PCDHA10: variants seen among roughly 807,000 people sequenced by gnomAD.
PCDHA10 encodes the protein protocadherin alpha 10.
In PCDHA10, 45 loss-of-function variants were observed where a neutral mutation model predicts 61.2. The observed-to-expected ratio is 0.74, with a 90% confidence interval of 0.58 to 0.94. PCDHA10 has a LOEUF of 0.94. Ranked by LOEUF, PCDHA10 falls within the 40% of genes least tolerant of loss-of-function variation. The probability of loss-of-function intolerance (pLI) is 0.00; values close to 1 mark genes in which losing one functional copy is unlikely to be tolerated. For synonymous variants in PCDHA10, 602 were observed against 548.8 expected (o/e 1.10, Z -1.35); for missense variants, 1,278 against 1,236.2 (o/e 1.03, Z -0.51).
intron 1 of PCDHA10, among the ~76,000 whole-genome samples, chr5:140,952,753 A>T (rs782624078): frequency 4.6e-5 from 7 of 152,194 alleles, no homozygotes; most frequent in Non-Finnish European, 1.0e-4. Context: ...CTATAAAAAC[A>T]CCTGAGACTG....
At chr5:140,870,489 C>A in intron 1 of PCDHA10, 1 of 1,614,222 alleles carries the variant, frequency 6.2e-7, no homozygotes, top group South Asian at 1.1e-5. Context: ...ACACCGTGTT[C>A]GTGAAGGAGA....
At chr5:140,997,141 C>T (rs941650589) in intron 3 of PCDHA10, among the ~76,000 whole-genome samples, 6 of 152,088 alleles carry the variant, frequency 3.9e-5, no homozygotes, top group Admixed American at 2.6e-4. Flanking sequence ...CCCACACCCC[C>T]GCCACAGTGA....
intron 1 of PCDHA10, chr5:140,876,781 G>A: frequency 6.2e-7 from 1 of 1,614,240 alleles, no homozygotes; most frequent in Non-Finnish European, 8.5e-7. Flanking sequence ...TTCGCTGTGG[G>A]CCACGGCTAG....
chr5:140,969,314 G>A (rs200006206), intron 1 of PCDHA10: 2 of 1,614,032 alleles, frequency 1.2e-6, no homozygotes, highest in Non-Finnish European at 1.7e-6. Context: ...CAAAAATGAG[G>A]CTGTTTCTCA....
chr5:140,868,892 A>C (rs1450985948), intron 1 of PCDHA10: 8 of 760,982 alleles, frequency 1.1e-5, no homozygotes, highest in Non-Finnish European at 1.6e-5. Context: ...TTTTAGGCGC[A>C]AGGTGTCGCT....
At chr5:140,976,491 C>T (rs1478947639) in intron 1 of PCDHA10, among the ~76,000 whole-genome samples, 2 of 152,172 alleles carry the variant, frequency 1.3e-5, no homozygotes, top group East Asian at 1.9e-4. Context: ...GCAGAGGTTG[C>T]AGGGAGCCAA....
At chr5:140,967,552 T>C (rs782453868) in intron 1 of PCDHA10, 2 of 1,613,908 alleles carry the variant, frequency 1.2e-6, no homozygotes, top group Non-Finnish European at 1.7e-6. Context: ...AGTCCACTTA[T>C]CGCGTCCAGC....
At chr5:140,942,221 G>A (rs1238547021) in intron 1 of PCDHA10, among the ~76,000 whole-genome samples, 1 of 152,046 alleles carries the variant, frequency 6.6e-6, no homozygotes, top group African/African-American at 2.4e-5. Context: ...TATTTAAAAT[G>A]TGTAGGCAAA....
At chr5:140,998,295 A>G (rs2097805023) in intron 3 of PCDHA10, among the ~76,000 whole-genome samples, 1 of 152,206 alleles carries the variant, frequency 6.6e-6, no homozygotes, top group Non-Finnish European at 1.5e-5. Context: ...CAGATCACAC[A>G]TTTAGTAAGG....
rs201991205 is a variant in PCDHA10 at position 140,982,521 on chromosome 5, G to C, written c.2494G>C (p.Gly832Arg). ...TGGCATTCTACGGGCTGGTCCAGGAGGGCCTGATCAGCAGTGGCCAACAGT... is the reference window on the plus strand; with the variant it reads ...TGGCATTCTACGGGCTGGTCCAGGACGGCCTGATCAGCAGTGGCCAACAGT... ...EAGILRAGPG[G>R]PDQQWPTVSS... Residue 832 changes from glycine to arginine, a missense_variant, in exon 3 of 4, where the codon GGG becomes CGG. Gly to Arg is a moderately radical substitution (Grantham distance 125). Coordinates refer to ENST00000307360, the MANE Select transcript of PCDHA10 (RefSeq NM_018901.4). The C allele has an allele frequency of 9.3e-6, 15 of 1,614,216 alleles. No individual in the cohort carries two copies. In the Admixed American group the frequency reaches 2.3e-4, roughly 25 times the overall value.
chr5:140,871,493 A>C lies in PCDHA10; in HGVS notation c.2388+13057A>C, dbSNP rs968230550. 1.9e-6 allele frequency: 3 copies of C among 1,588,916 alleles called. No individual in the cohort carries two copies. In the African/African-American group the frequency reaches 4.0e-5, roughly 21 times the overall value. On this transcript the variant is annotated intron_variant, in intron 1 of 3. Coordinates refer to ENST00000307360, the MANE Select transcript of PCDHA10 (RefSeq NM_018901.4). Reference sequence around the variant, plus strand: ...GAGCCAGGGTCAAATCACCCCGGACAGGTGAGTTTTCTACAGATTCCACCT... The same window carrying C: ...GAGCCAGGGTCAAATCACCCCGGACCGGTGAGTTTTCTACAGATTCCACCT...
At chr5:140,900,130 C>T (rs1156261230) in intron 1 of PCDHA10, among the ~76,000 whole-genome samples, 1 of 152,084 alleles carries the variant, frequency 6.6e-6, no homozygotes, top group East Asian at 1.9e-4. Flanking sequence ...TTTTAGGTAC[C>T]ACAAATAAGT....
At chr5:140,949,963 A>G (rs1044562957) in intron 1 of PCDHA10, among the ~76,000 whole-genome samples, 1 of 151,750 alleles carries the variant, frequency 6.6e-6, no homozygotes, top group African/African-American at 2.4e-5. Context: ...TGCTGTAAGG[A>G]TTACAGCATA....
At chr5:140,875,580 C>G (rs1381718234) in intron 1 of PCDHA10, 7 of 1,613,958 alleles carry the variant, frequency 4.3e-6, no homozygotes, top group Admixed American at 1.7e-5. Context: ...ACTCCGTCTA[C>G]GAGGAGGCCA....
intron 1 of PCDHA10, among the ~76,000 whole-genome samples, chr5:140,976,851 T>C (rs1402328541): frequency 6.6e-6 from 1 of 152,206 alleles, no homozygotes; most frequent in African/African-American, 2.4e-5. Context: ...ATCCCTTTCA[T>C]AGAGTTTACT....
chr5:140,936,714 C>G (rs2091106727), intron 1 of PCDHA10, among the ~76,000 whole-genome samples: 1 of 152,198 alleles, frequency 6.6e-6, no homozygotes, highest in African/African-American at 2.4e-5. Context: ...TGTGCCAATA[C>G]ATTCTGTGTT....
At chr5:140,882,018 A>C in intron 1 of PCDHA10, 2 of 559,360 alleles carry the variant, frequency 3.6e-6, no homozygotes, top group East Asian at 3.1e-5. Context: ...AAAATACTAC[A>C]TCAATGGAAA....
intron 1 of PCDHA10, chr5:140,967,773 A>C (rs1285230643): frequency 1.9e-6 from 3 of 1,614,108 alleles, no homozygotes; most frequent in Non-Finnish European, 1.7e-6. Context: ...ATCTATGTGC[A>C]GGCGACTGAC....
At chr5:140,996,947 T>C (rs1224598113) in intron 3 of PCDHA10, among the ~76,000 whole-genome samples, 2 of 152,176 alleles carry the variant, frequency 1.3e-5, no homozygotes, top group Non-Finnish European at 2.9e-5. Context: ...CATAGAAATA[T>C]TTATTTCCCT....
Sources: allele counts gnomAD v4.1 joint callset (sites outside exome capture counted in the v4.1 genomes callset), GRCh38; gene constraint gnomAD v4.1.1; transcripts MANE v1.5; gene names NCBI Gene and HGNC (gene_info 2026-07-23, HGNC 2026-07-21).